TPX2: variants seen among roughly 807,000 people sequenced by gnomAD.
TPX2 encodes TPX2 microtubule nucleation factor, also known as targeting protein for Xklp2.
Under a neutral mutation model 93.6 loss-of-function variants are expected in TPX2, and 21 were observed. The ratio of observed to expected loss-of-function variants is 0.22; its 90% CI spans 0.16 to 0.32. The LOEUF is 0.32. Ranked by LOEUF, TPX2 falls within the 10% of genes least tolerant of loss-of-function variation. TPX2 has a pLI of 1.00. For missense variants in TPX2, 776 were observed against 871.1 expected (o/e 0.89, Z 1.37); for synonymous variants, 281 against 298.3 (o/e 0.94, Z 0.60).
intron 4 of TPX2, among the ~76,000 whole-genome samples, chr20:31,763,620 GTTTGAAGCTACTA>G (rs2061904417): frequency 6.6e-6 from 1 of 151,754 alleles, no homozygotes; most frequent in African/African-American, 2.4e-5. Flanking sequence ...GCTTCATATA[GTTTGAAGCTACTA>G]TTAGATGCAT....
chr20:31,794,320 TCAGA>T, intron 14 of TPX2, 78 bp from the exon 15 acceptor site: 1 of 1,523,330 alleles, frequency 6.6e-7, no homozygotes, highest in African/African-American at 1.4e-5. Flanking sequence ...TCCTTATTTT[TCAGA>T]TTCTTCCAGA....
chr20:31,778,682 C>T, intron 9 of TPX2, 131 bp from the exon 10 acceptor site: 1 of 827,344 alleles, frequency 1.2e-6, no homozygotes, highest in Non-Finnish European at 1.8e-6. Flanking sequence ...CAAGGACTGA[C>T]AAACTTCAGA....
chr20:31,774,194 G>A (rs759778146), intron 7 of TPX2, among the ~76,000 whole-genome samples: 8 of 152,262 alleles, frequency 5.3e-5, no homozygotes, highest in Non-Finnish European at 7.4e-5. Flanking sequence ...AGTGTATTAC[G>A]ATTACTAATG....
intron 7 of TPX2, 28 bp downstream of exon 7, chr20:31,771,710 T>C (rs1263931356): frequency 6.3e-7 from 1 of 1,593,132 alleles, no homozygotes; most frequent in Non-Finnish European, 8.5e-7. Flanking sequence ...ATTTAAACTT[T>C]AGAATGAATG....
At chr20:31,792,231 C>T (rs560404735) in intron 12 of TPX2, among the ~76,000 whole-genome samples, 8 of 151,922 alleles carry the variant, frequency 5.3e-5, no homozygotes, top group South Asian at 2.1e-4. Flanking sequence ...AAGTGGTGCG[C>T]GCTTGTAGTC....
rs746630376 is a variant in TPX2 at position 31,797,519 on chromosome 20, G to GTATT, written c.1945+5_1945+8dup. ...AAAGAGAAGAAATCAGTTGCTGGTA[G>GTATT]TATTATATGTACTCTGATGGGACTC... On this transcript the variant is annotated splice_donor_region_variant and intron_variant, in intron 16 of 17. Coordinates refer to ENST00000300403, the MANE Select transcript of TPX2 (RefSeq NM_012112.5). 5.6e-6 allele frequency: 9 copies of GTATT among 1,612,686 alleles called. No homozygotes were observed. Among genetic ancestry groups the GTATT allele is most frequent in the Non-Finnish European group, 1.7e-6 (2 of 1,178,974 alleles).
chr20:31,769,291 C>G (rs187209531), intron 5 of TPX2, among the ~76,000 whole-genome samples: 3 of 140,796 alleles, frequency 2.1e-5, no homozygotes, highest in African/African-American at 7.8e-5. Flanking sequence ...TTTGGTAAAA[C>G]AATAAGGAAA....
intron 6 of TPX2, among the ~76,000 whole-genome samples, chr20:31,770,886 G>C (rs1337959531): frequency 6.7e-6 from 1 of 149,976 alleles, no homozygotes; most frequent in Non-Finnish European, 1.5e-5. Context: ...TGGTTCAGTG[G>C]CTGATTTTTA....
At chr20:31,767,096 C>T (rs954159012) in intron 5 of TPX2, among the ~76,000 whole-genome samples, 2 of 152,010 alleles carry the variant, frequency 1.3e-5, no homozygotes, top group Non-Finnish European at 2.9e-5. Flanking sequence ...GCTACTGCGC[C>T]CAGCTATGTT....
rs1444818021 is a variant in TPX2, at chr20:31,798,475, G to A, written c.2056G>A (p.Ala686Thr). The part of the protein sequence containing the change: ...KRMAEVEAQK[A>T]QQLEEARLQE... ...AATGGCTGAGGTAGAAGCCCAGAAA[G>A]CCCAGCAGTTGGAGGAGGCCAGACT... Residue 686 changes from alanine to threonine, a missense_variant, in exon 17 of 18, where the codon GCC (alanine) becomes ACC (threonine). Physicochemically the swap from Ala to Thr is moderately conservative, Grantham distance 58. This residue lies in a region of TPX2 where 461 missense variants were observed against 551.2 expected (regional missense o/e 0.84). Coordinates refer to ENST00000300403, the MANE Select transcript of TPX2 (RefSeq NM_012112.5). The A allele has an allele frequency of 1.2e-6, 2 of 1,613,776 alleles. No homozygotes were observed. The highest frequency in any genetic ancestry group is 8.5e-7 in the Non-Finnish European group (1 of 1,180,016).
chr20:31,788,405 G>A (rs1287938346), intron 12 of TPX2, among the ~76,000 whole-genome samples: 1 of 136,018 alleles, frequency 7.4e-6, no homozygotes, highest in Non-Finnish European at 1.5e-5. Flanking sequence ...GCAACAGAGC[G>A]AGACTCTGTC....
rs570199171 is a variant in TPX2 at position 31,739,681 on chromosome 20, A to G, written c.-178+60A>G. 4.6e-5 allele frequency: 7 copies of G among 152,336 alleles called. No homozygotes were observed. In the South Asian group the frequency reaches 1.2e-3, roughly 27 times the overall value. The allele number at this position is 152,336 out of a possible 1,614,324, so 9.4% of individuals were successfully genotyped here. On this transcript the variant is annotated intron_variant, in intron 1 of 17. Coordinates refer to ENST00000300403, the MANE Select transcript of TPX2 (RefSeq NM_012112.5). ...GTTATAAACATTGACTGAACTAAGC[A>G]CCCTGCATGCCCGTTCTCATTTAAT...
At chr20:31,795,313 T>C (rs1001690724) in intron 15 of TPX2, among the ~76,000 whole-genome samples, 19 of 152,228 alleles carry the variant, frequency 1.2e-4, no homozygotes, top group Admixed American at 7.8e-4. Flanking sequence ...TTTGTGTTTT[T>C]AGTAGAGACA....
chr20:31,768,185 A>T (rs556446655), intron 5 of TPX2, among the ~76,000 whole-genome samples: 14 of 150,286 alleles, frequency 9.3e-5, no homozygotes, highest in African/African-American at 2.7e-4. Flanking sequence ...CTGCCCACCT[A>T]TGCCTCCTAG....
chr20:31,801,196 C>T lies in TPX2; in HGVS notation c.*116C>T. On this transcript the variant is annotated 3_prime_UTR_variant, in exon 18 of 18. Transcript: ENST00000300403. ...GAGAACCCATTTCTCCAGACTTTTACCTACCCGTGCCTGAGAAAGCATACT... is the reference window on the plus strand; with the variant it reads ...GAGAACCCATTTCTCCAGACTTTTATCTACCCGTGCCTGAGAAAGCATACT... 2 of 820,720 alleles carry T rather than the reference C, an allele frequency of 2.4e-6. No homozygotes were observed. Among genetic ancestry groups the T allele is most frequent in the Non-Finnish European group, 2.0e-6 (1 of 508,550 alleles). The allele number at this position is 820,720 out of a possible 1,614,324, so 50.8% of individuals were successfully genotyped here. A position where few individuals can be genotyped will look rare whatever the true frequency, so the allele number is the denominator to read the frequency against.
intron 15 of TPX2, 75 bp from the exon 16 acceptor site, chr20:31,797,329 T>C: frequency 1.5e-6 from 2 of 1,338,710 alleles, no homozygotes; most frequent in Non-Finnish European, 2.1e-6. Flanking sequence ...GTTCAGACAT[T>C]AGAACTTAAG....
chr20:31,788,375 AC>A (rs1218761219), intron 12 of TPX2, among the ~76,000 whole-genome samples: 4 of 143,004 alleles, frequency 2.8e-5, no homozygotes. Context: ...CTGAGATTGC[AC>A]CACTGCACTC....
rs1385095057 is a variant in TPX2, at chr20:31,782,251, C to T, written c.1057C>T (p.Leu353=). The change falls in exon 11 of 18, where the codon CTG becomes TTG. Residue 353 remains leucine (L), a splice_region_variant and synonymous_variant. Transcript: ENST00000300403. ...HLRSKKDDIN[L]LPSKSSVTKI... is the part of the protein sequence containing the mutation. The stretch of plus-strand genomic sequence containing the variant: ...ACATCTGTCATCTCTGTTTACAGAC[C>T]TGTTACCCTCCAAATCTTCTGTGAC... The T allele has an allele frequency of 6.2e-7, 1 of 1,609,450 alleles. No individual in the cohort carries two copies. Among genetic ancestry groups the T allele is most frequent in the Non-Finnish European group, 8.5e-7 (1 of 1,178,338 alleles).
At chr20:31,746,027 T>C (rs944431051) in intron 2 of TPX2, among the ~76,000 whole-genome samples, 2 of 152,126 alleles carry the variant, frequency 1.3e-5, no homozygotes, top group Non-Finnish European at 2.9e-5. Flanking sequence ...TGATAGGAAA[T>C]ATATTTGCTT....
Sources: allele counts gnomAD v4.1 joint callset (sites outside exome capture counted in the v4.1 genomes callset), GRCh38; gene constraint gnomAD v4.1.1; regional missense constraint gnomAD v4.1.1; transcripts MANE v1.5; gene names NCBI Gene and HGNC (gene_info 2026-07-23, HGNC 2026-07-21).